Variants in RFC1 observed in about 807,000 individuals in gnomAD.
The protein encoded by RFC1 is A1 140 kDa subunit.
A neutral mutation model predicts 137.4 loss-of-function variants in RFC1; 37 were observed. The observed-to-expected ratio is 0.27, with a 90% confidence interval of 0.21 to 0.35. The LOEUF (loss-of-function observed/expected upper bound fraction) is 0.35. Ranked by LOEUF, RFC1 falls within the 10% of genes least tolerant of loss-of-function variation. The pLI is 1.00. For missense variants in RFC1, 1,205 were observed against 1,358.5 expected (o/e 0.89, Z 1.78); for synonymous variants, 429 against 455.7 (o/e 0.94, Z 0.75).
intron 1 of RFC1, among the ~76,000 whole-genome samples, chr4:39,362,624 T>A (rs1422778826): frequency 2.0e-5 from 3 of 152,190 alleles, no homozygotes; most frequent in Admixed American, 6.5e-5. Context: ...CTTCACACCC[T>A]ATATAAAAAT....
rs754676802 is a variant in RFC1 at position 39,309,033 on chromosome 4, C to A, written c.1489-1G>T. ...TCTCCAGTTTGGACTCTTTCTTCAT[C>A]TTAAGAAGTGGAAAAATGAGGAAAA... On this transcript the variant is annotated splice_acceptor_variant, in intron 12 of 24. Transcript: ENST00000349703. LOFTEE classifies it high-confidence loss of function. The A allele has an allele frequency of 6.3e-7, 1 of 1,577,686 alleles. No homozygotes were observed. The highest frequency in any genetic ancestry group is 8.5e-7 in the Non-Finnish European group (1 of 1,169,594).
At chr4:39,298,046 G>A (rs1005934118) in intron 21 of RFC1, among the ~76,000 whole-genome samples, 11 of 152,202 alleles carry the variant, frequency 7.2e-5, no homozygotes, top group African/African-American at 2.7e-4. Context: ...CAGGTGCAGT[G>A]GCTCATGCCA....
At chr4:39,300,658 C>T (rs6531710) in intron 19 of RFC1, among the ~76,000 whole-genome samples, 78,043 of 152,132 alleles carry the variant, frequency 0.51, 21,790 homozygotes, top group African/African-American at 0.74. Flanking sequence ...AGGATGTTTA[C>T]AAGCAGTTTT....
intron 2 of RFC1, among the ~76,000 whole-genome samples, chr4:39,347,385 CT>C (rs1376921244): frequency 1.3e-5 from 2 of 152,190 alleles, no homozygotes; most frequent in Admixed American, 6.6e-5. Context: ...CTCTGGGACA[CT>C]TTCTTCCTGC....
intron 21 of RFC1, among the ~76,000 whole-genome samples, chr4:39,296,116 TG>T (rs1430237781): frequency 1.3e-5 from 2 of 152,186 alleles, no homozygotes; most frequent in Non-Finnish European, 2.9e-5. Flanking sequence ...CATAAATGAC[TG>T]ACAACATAGG....
chr4:39,329,173 A>G (rs1265359594), intron 4 of RFC1, among the ~76,000 whole-genome samples: 2 of 138,598 alleles, frequency 1.4e-5, no homozygotes, highest in Non-Finnish European at 3.1e-5. Context: ...TTTGGCCTAT[A>G]AACAAAAGAA....
chr4:39,292,401 T>A (rs966831562), intron 22 of RFC1, among the ~76,000 whole-genome samples: 5 of 152,156 alleles, frequency 3.3e-5, no homozygotes, highest in Non-Finnish European at 5.9e-5. Context: ...AATCAAAAAG[T>A]GATCCACAGT....
At chr4:39,315,126 C>T (rs1354122415) in intron 10 of RFC1, among the ~76,000 whole-genome samples, 3 of 152,244 alleles carry the variant, frequency 2.0e-5, no homozygotes, top group African/African-American at 4.8e-5. Context: ...TCTCCTCACA[C>T]TCACTCTTCC....
intron 23 of RFC1, among the ~76,000 whole-genome samples, chr4:39,290,844 C>T (rs1037588452): frequency 1.3e-5 from 2 of 150,906 alleles, no homozygotes; most frequent in African/African-American, 4.9e-5. Context: ...GGGAGCTCAT[C>T]ACAAGATATA....
rs17287922 is a variant in RFC1 at position 39,350,802 on chromosome 4, A to C, written c.132+546T>G. Among the ~76,000 whole-genome samples the C allele has an allele frequency of 7.4e-3, 1,133 of 152,366 alleles. 15 individuals are homozygous for C. Among genetic ancestry groups the C allele is most frequent in the African/African-American group, 0.024 (1,017 of 41,580 alleles). On this transcript the variant is annotated intron_variant, in intron 2 of 24. Coordinates refer to ENST00000349703, the MANE Select transcript of RFC1 (RefSeq NM_002913.5). ...AACTCAGATCTTCAGTGAGAAATGA[A>C]AAGCATCAGAAATAGCAAATACGTG...
chr4:39,359,546 T>C (rs902902687), intron 1 of RFC1, among the ~76,000 whole-genome samples: 6 of 152,066 alleles, frequency 3.9e-5, no homozygotes, highest in Non-Finnish European at 7.4e-5. Flanking sequence ...AATAATACAA[T>C]ACGTGGTCGC....
chr4:39,309,042 T>A lies in RFC1; in HGVS notation c.1489-10A>T. 1 of 1,574,522 alleles carries A rather than the reference T, an allele frequency of 6.4e-7. No homozygotes were observed. Among genetic ancestry groups the A allele is most frequent in the Middle Eastern group, 1.7e-4 (1 of 5,824 alleles). On this transcript the variant is annotated splice_polypyrimidine_tract_variant and intron_variant, in intron 12 of 24. Transcript: ENST00000349703. ...TGGACTCTTTCTTCATCTTAAGAAG[T>A]GGAAAAATGAGGAAAAAAGAAACCT...
chr4:39,302,002 T>C (rs1738383956), intron 19 of RFC1, among the ~76,000 whole-genome samples: 1 of 152,098 alleles, frequency 6.6e-6, no homozygotes, highest in Non-Finnish European at 1.5e-5. Context: ...AAGCCAAACA[T>C]AAAGAACTCT....
intron 9 of RFC1, among the ~76,000 whole-genome samples, chr4:39,319,043 A>G (rs1739388080): frequency 5.9e-5 from 9 of 152,232 alleles, no homozygotes; most frequent in Admixed American, 5.9e-4. Context: ...TCCTTTAAAA[A>G]TAATTTCAGT....
intron 12 of RFC1, 61 bp from the exon 13 acceptor site, chr4:39,309,093 T>C: frequency 6.6e-7 from 1 of 1,512,424 alleles, no homozygotes; most frequent in Non-Finnish European, 8.8e-7. Flanking sequence ...ATTTCTATCC[T>C]GCTAAACGTA....
At chr4:39,299,464 T>C (rs560597454) in intron 21 of RFC1, among the ~76,000 whole-genome samples, 56 of 151,844 alleles carry the variant, frequency 3.7e-4, no homozygotes, top group African/African-American at 1.3e-3. Flanking sequence ...ATACAAAAAA[T>C]TAGCTGGGCG....
At chr4:39,307,706 A>T (rs1480040606) in intron 13 of RFC1, among the ~76,000 whole-genome samples, 1 of 149,256 alleles carries the variant, frequency 6.7e-6, no homozygotes, top group East Asian at 2.0e-4. Context: ...ACAGAGCAAG[A>T]CTCTGTCTCA....
intron 23 of RFC1, among the ~76,000 whole-genome samples, chr4:39,290,819 A>AAG (rs1438908208): frequency 6.6e-6 from 1 of 151,872 alleles, no homozygotes; most frequent in Non-Finnish European, 1.5e-5. Flanking sequence ...TCTCAAAAAA[A>AAG]AAAAAAAAGG....
chr4:39,359,248 C>T (rs1362329489), intron 1 of RFC1, among the ~76,000 whole-genome samples: 1 of 152,180 alleles, frequency 6.6e-6, no homozygotes, highest in African/African-American at 2.4e-5. Context: ...CTTAACACAA[C>T]TTTCTAGAGG....
Sources: allele counts gnomAD v4.1 joint callset (sites outside exome capture counted in the v4.1 genomes callset), GRCh38; gene constraint gnomAD v4.1.1; transcripts MANE v1.5; gene names NCBI Gene and HGNC (gene_info 2026-07-23, HGNC 2026-07-21).